Variants in NEK7 observed in about 807,000 individuals in gnomAD.
NEK7 encodes the protein NIMA related kinase 7.
NEK7 carries 18 observed loss-of-function variants against 44.6 expected under a neutral mutation model. That is an observed-to-expected ratio of 0.40 (90% confidence interval 0.28 to 0.60). The LOEUF (loss-of-function observed/expected upper bound fraction) is 0.60, where lower values mean the gene tolerates loss of function less well. NEK7 is among the 20% of genes least tolerant of loss of function. The pLI, the probability that NEK7 is intolerant of heterozygous loss-of-function variation, is 0.38. For missense variants in NEK7, 256 were observed against 366.5 expected, an observed-to-expected ratio of 0.70 and a Z score of 2.46; for synonymous variants, 130 against 121.1, an observed-to-expected ratio of 1.07 and a Z score of -0.48.
chr1:198,288,792 CT>C (rs1654457153), intron 7 of NEK7, among the ~76,000 whole-genome samples: 1 of 152,156 alleles, frequency 6.6e-6, no homozygotes, highest in Non-Finnish European at 1.5e-5. Context: ...GCATGGTAAA[CT>C]TTTGTTAAAA....
Position 198,297,197 on chromosome 1 carries a change from A to C in NEK7, c.755A>C (p.Gln252Pro), listed in dbSNP as rs1339259296. The C allele has an allele frequency of 2.5e-6, 4 of 1,613,666 alleles. No homozygotes were observed. Among genetic ancestry groups the C allele is most frequent in the Non-Finnish European group, 3.4e-6 (4 of 1,179,750 alleles). Residue 252 changes from glutamine (Q) to proline (P), a missense_variant, in exon 9 of 10, where the codon CAG (glutamine) becomes CCG (proline). Physicochemically the swap from Gln to Pro is moderately conservative, Grantham distance 76. Coordinates refer to ENST00000367385, the MANE Select transcript of NEK7 (RefSeq NM_133494.3). ...NLYSLCKKIE[Q>P]CDYPPLPSDH... ...TACTCACTGTGTAAGAAGATAGAAC[A>C]GTGTGACTACCCACCTCTTCCTTCA...
intron 7 of NEK7, among the ~76,000 whole-genome samples, chr1:198,288,775 C>G (rs2102999954): frequency 6.6e-6 from 1 of 152,218 alleles, no homozygotes; most frequent in South Asian, 2.1e-4. Context: ...GTATGCCATG[C>G]AACAGGGCAT....
chr1:198,312,841 G>A (rs979597661), intron 9 of NEK7, among the ~76,000 whole-genome samples: 20 of 152,124 alleles, frequency 1.3e-4, no homozygotes, highest in Non-Finnish European at 2.5e-4. Context: ...CATTTGCTGA[G>A]GAGAGCTTTA....
intron 2 of NEK7, among the ~76,000 whole-genome samples, 185 bp from the exon 3 acceptor site, chr1:198,252,855 C>A (rs573525120): frequency 1.4e-4 from 22 of 151,926 alleles, no homozygotes; most frequent in Admixed American, 1.4e-3. Flanking sequence ...TCTCTCTAGT[C>A]TGCTACTGTA....
intron 7 of NEK7, 125 bp from the exon 8 acceptor site, chr1:198,292,820 G>A: frequency 1.4e-6 from 1 of 704,438 alleles, no homozygotes; most frequent in Non-Finnish European, 2.5e-6. Context: ...CTCAAAAACA[G>A]CTTTCGATCC....
At chr1:198,237,269 C>T (rs1666565069) in intron 2 of NEK7, among the ~76,000 whole-genome samples, 2 of 152,150 alleles carry the variant, frequency 1.3e-5, no homozygotes. Flanking sequence ...TTAGTGTTCT[C>T]TTCCAGTCTC....
At chr1:198,250,114 C>G (rs1652879747) in intron 2 of NEK7, among the ~76,000 whole-genome samples, 1 of 149,602 alleles carries the variant, frequency 6.7e-6, no homozygotes, top group Non-Finnish European at 1.5e-5. Flanking sequence ...CCAGTTTTCC[C>G]AGCACCGTTT....
At chr1:198,191,333 A>G (rs1469381820) in intron 1 of NEK7, among the ~76,000 whole-genome samples, 1 of 152,020 alleles carries the variant, frequency 6.6e-6, no homozygotes, top group Non-Finnish European at 1.5e-5. Context: ...TTTTGACAGA[A>G]TTTAATTTTT....
At chr1:198,238,126 C>T (rs1178702236) in intron 2 of NEK7, among the ~76,000 whole-genome samples, 1 of 152,102 alleles carries the variant, frequency 6.6e-6, no homozygotes, top group Non-Finnish European at 1.5e-5. Flanking sequence ...ATGTAACCAC[C>T]TACATTCTCC....
chr1:198,319,565 AT>A lies in NEK7; in HGVS notation c.*47del, dbSNP rs1655478662. The A allele has an allele frequency of 6.4e-7, 1 of 1,561,944 alleles. No individual in the cohort carries two copies. The highest frequency in any genetic ancestry group is 1.4e-5 in the African/African-American group (1 of 73,548). On this transcript the variant is annotated 3_prime_UTR_variant, in exon 10 of 10. Transcript: ENST00000367385. ...GAGTGTAACCAAAGTAATTGAAAGT[AT>A]TTTGTGCAAGTCATACCTCCCCATT...
intron 1 of NEK7, among the ~76,000 whole-genome samples, chr1:198,226,642 T>C (rs771765874): frequency 1.8e-4 from 27 of 152,150 alleles, no homozygotes; most frequent in Non-Finnish European, 7.4e-5. Flanking sequence ...TATGTTTTCA[T>C]CCACAGTTCC....
At chr1:198,293,415 T>C (rs1654618123) in intron 8 of NEK7, among the ~76,000 whole-genome samples, 1 of 151,908 alleles carries the variant, frequency 6.6e-6, no homozygotes, top group African/African-American at 2.4e-5. Context: ...AGTAAATATT[T>C]TTATCAATAT....
chr1:198,295,107 C>T (rs1442231187), intron 8 of NEK7, among the ~76,000 whole-genome samples: 3 of 151,008 alleles, frequency 2.0e-5, no homozygotes, highest in African/African-American at 7.3e-5. Context: ...AAAAAACTAG[C>T]AGTACAGTTT....
chr1:198,163,672 T>C (rs1664176054), intron 1 of NEK7, among the ~76,000 whole-genome samples: 2 of 152,142 alleles, frequency 1.3e-5, no homozygotes, highest in Admixed American at 1.3e-4. Context: ...AAGATTTTTC[T>C]GGGGGGAGGA....
chr1:198,300,208 G>T (rs967929037), intron 9 of NEK7, among the ~76,000 whole-genome samples: 4 of 152,164 alleles, frequency 2.6e-5, no homozygotes, highest in Non-Finnish European at 5.9e-5. Flanking sequence ...TTCCTTAGAT[G>T]TCTCTTAGTT....
At chr1:198,257,845 T>C (rs1232510971) in intron 3 of NEK7, among the ~76,000 whole-genome samples, 1 of 152,174 alleles carries the variant, frequency 6.6e-6, no homozygotes, top group Non-Finnish European at 1.5e-5. Flanking sequence ...TGTTTAACAT[T>C]TTGGGGTTAA....
At chr1:198,317,900 T>TTTTTTTTTTTTTTA (rs1655422779) in intron 9 of NEK7, among the ~76,000 whole-genome samples, 1 of 148,548 alleles carries the variant, frequency 6.7e-6, no homozygotes, top group Non-Finnish European at 1.5e-5. Context: ...TTTTTTTTTT[T>TTTTTTTTTTTTTTA]GGTAACCTGG....
chr1:198,263,541 T>G (rs1368902102), intron 4 of NEK7, among the ~76,000 whole-genome samples: 1 of 151,908 alleles, frequency 6.6e-6, no homozygotes, highest in African/African-American at 2.4e-5. Flanking sequence ...TGCAAATGAG[T>G]AGGGACTGAT....
chr1:198,266,914 A>G (rs1653672245), intron 5 of NEK7, among the ~76,000 whole-genome samples: 1 of 152,016 alleles, frequency 6.6e-6, no homozygotes, highest in Non-Finnish European at 1.5e-5. Context: ...CTACTCTTCA[A>G]AGTTGACTTT....
Sources: allele counts gnomAD v4.1 joint callset (sites outside exome capture counted in the v4.1 genomes callset), GRCh38; gene constraint gnomAD v4.1.1; transcripts MANE v1.5; gene names NCBI Gene and HGNC (gene_info 2026-07-23, HGNC 2026-07-21).